HEPH: variants seen among roughly 807,000 people sequenced by gnomAD.
HEPH encodes hephaestin.
In HEPH, 69 loss-of-function variants were observed where a neutral mutation model predicts 80.8. That is an observed-to-expected ratio of 0.85 (90% CI 0.70 to 1.04). The LOEUF is 1.04. HEPH is among the 50% of genes least tolerant of loss of function. The pLI is 0.00. For synonymous variants in HEPH, 431 were observed against 322.8 expected, an observed-to-expected ratio of 1.34 and a Z score of -3.60; for missense variants, 1,115 against 891.3, an observed-to-expected ratio of 1.25 and a Z score of -3.20.
chrX:66,236,900 T>A (rs2090383095), intron 15 of HEPH, among the ~76,000 whole-genome samples: 1 of 111,867 alleles, frequency 8.9e-6, no homozygotes, highest in Admixed American at 9.5e-5. Context: ...GTCTAGTTTA[T>A]GTGCATAGAG....
upstream of HEPH, chrX:66,162,832 C>G: frequency 8.7e-7 from 1 of 1,156,029 alleles, no homozygotes; most frequent in East Asian, 3.3e-5. Flanking sequence ...CCCAGCCTGC[C>G]TGGAGAAAAG....
intron 13 of HEPH, among the ~76,000 whole-genome samples, chrX:66,206,054 A>G (rs764214637): frequency 4.5e-5 from 5 of 111,117 alleles, no homozygotes; most frequent in Non-Finnish European, 9.4e-5. Flanking sequence ...TATTAGAAAT[A>G]TCAAATGATA....
intron 15 of HEPH, among the ~76,000 whole-genome samples, chrX:66,217,726 T>G (rs752436598): frequency 8.9e-6 from 1 of 111,894 alleles, no homozygotes; most frequent in African/African-American, 3.2e-5. Context: ...ATGCTCCATT[T>G]AAAAGATACA....
intron 15 of HEPH, among the ~76,000 whole-genome samples, chrX:66,225,492 A>C (rs1414709180): frequency 8.9e-6 from 1 of 112,771 alleles, no homozygotes; most frequent in Non-Finnish European, 1.9e-5. Flanking sequence ...AAAGAACTAA[A>C]GTGCTGGTAC....
Position 66,197,743 on chromosome X carries a change from T to C in HEPH, c.1562T>C (p.Val521Ala), listed in dbSNP as rs1186591917. Residue 521 changes from valine (V) to alanine (A), a missense_variant, in exon 10 of 21, where the codon GTC (valine) becomes GCC (alanine). Physicochemically the swap from Val to Ala is moderately conservative, Grantham distance 64. Coordinates refer to ENST00000343002, the MANE Select transcript of HEPH (RefSeq NM_001367233.3). ...GAGAAAGTAACATACCGCTGGACAGTCCCCCCTCATGCCGGTCCCACTGCT... is the reference window on the plus strand; with the variant it reads ...GAGAAAGTAACATACCGCTGGACAGCCCCCCCTCATGCCGGTCCCACTGCT... ...PFEKVTYRWT[V>A]PPHAGPTAQD... 5.0e-6 allele frequency: 6 copies of C among 1,209,592 alleles called. No individual in the cohort carries two copies. In the African/African-American group the frequency reaches 7.0e-5, roughly 14 times the overall value.
chrX:66,200,311 G>T (rs1010513752), intron 11 of HEPH: 16 of 382,335 alleles, frequency 4.2e-5, no homozygotes, highest in African/African-American at 4.2e-4. Flanking sequence ...TCAGGATGTG[G>T]ATCATGGTGG....
rs1172532761 is a variant in HEPH, at chrX:66,200,526, T to G, written c.1865-14T>G. The stretch of plus-strand genomic sequence containing the variant: ...TCTCATCTCCCCACCTTGTCTTGTG[T>G]TTTTGTTTTCCAGCCATTAATGGGT... On this transcript the variant is annotated splice_polypyrimidine_tract_variant and intron_variant, in intron 11 of 20. Transcript: ENST00000343002. The G allele has an allele frequency of 2.6e-6, 3 of 1,175,209 alleles. No homozygotes were observed. The Admixed American group carries it at 7.2e-5, about 28-fold the overall frequency.
In HEPH at chrX:66,209,388, G is replaced by C. The variant is rs779669762; in HGVS notation, c.2563+1142G>C. 2.7e-5 allele frequency among the ~76,000 whole-genome samples: 3 copies of C among 111,976 alleles called. No individual in the cohort carries two copies. In the South Asian group the frequency reaches 1.1e-3, roughly 42 times the overall value. ...AACTTTGAAAGTCTCTGATTCAGTA[G>C]GTGTGTGATGGAGCTCAGGAATTTG... On this transcript the variant is annotated intron_variant, in intron 15 of 20. Coordinates refer to ENST00000343002, the MANE Select transcript of HEPH (RefSeq NM_001367233.3).
chrX:66,215,628 G>A (rs909425835), intron 15 of HEPH, among the ~76,000 whole-genome samples: 2 of 111,941 alleles, frequency 1.8e-5, no homozygotes, highest in Non-Finnish European at 1.9e-5. Flanking sequence ...ATGGTGGATA[G>A]GAAGACTAAC....
intron 6 of HEPH, 122 bp from the exon 7 acceptor site, chrX:66,192,008 G>A: frequency 1.6e-6 from 1 of 643,939 alleles, no homozygotes; most frequent in Non-Finnish European, 2.3e-6. Context: ...CCATTTTGGA[G>A]CAGGAGTAAA....
At chrX:66,251,161 G>T (rs2090993346) in intron 15 of HEPH, among the ~76,000 whole-genome samples, 2 of 112,586 alleles carry the variant, frequency 1.8e-5, no homozygotes, top group East Asian at 2.8e-4. Flanking sequence ...GGGATTACAG[G>T]TGCTGTGTAG....
intron 15 of HEPH, among the ~76,000 whole-genome samples, chrX:66,248,306 G>A (rs142618175): frequency 8.9e-6 from 1 of 111,946 alleles, no homozygotes; most frequent in African/African-American, 3.2e-5. Context: ...TGTATAAGTG[G>A]TGTGATAACA....
At chrX:66,208,058 C>T (rs2088889685) in intron 14 of HEPH, 57 bp from the exon 15 acceptor site, 3 of 922,217 alleles carry the variant, frequency 3.3e-6, no homozygotes, top group Non-Finnish European at 4.5e-6. Flanking sequence ...CTTTAATGCT[C>T]CCTGTGCTCC....
At chrX:66,224,242 T>A (rs923385383) in intron 15 of HEPH, among the ~76,000 whole-genome samples, 2 of 111,823 alleles carry the variant, frequency 1.8e-5, no homozygotes, top group African/African-American at 3.3e-5. Flanking sequence ...GAAAACCTTG[T>A]AAGTTTGGGA....
At chrX:66,233,724 A>T (rs2090248726) in intron 15 of HEPH, among the ~76,000 whole-genome samples, 1 of 110,386 alleles carries the variant, frequency 9.1e-6, no homozygotes, top group Non-Finnish European at 1.9e-5. Context: ...ACTATACTAT[A>T]TATTAAAATT....
chrX:66,252,156 T>C (rs1007353732), intron 15 of HEPH, among the ~76,000 whole-genome samples: 6 of 111,860 alleles, frequency 5.4e-5, no homozygotes, highest in African/African-American at 1.9e-4. Flanking sequence ...TGAGGAGTGA[T>C]AATAATCAAA....
chrX:66,264,454 T>C (rs2091469522), intron 20 of HEPH, among the ~76,000 whole-genome samples: 1 of 109,115 alleles, frequency 9.2e-6, no homozygotes, highest in South Asian at 3.9e-4. Context: ...TACCAAGGAG[T>C]TAAACCTTTG....
chrX:66,235,059 G>T (rs1569377995), intron 15 of HEPH, among the ~76,000 whole-genome samples: 1 of 110,880 alleles, frequency 9.0e-6, no homozygotes, highest in Non-Finnish European at 1.9e-5. Flanking sequence ...TTTTTACCTT[G>T]TAAATTTGTT....
At chrX:66,258,704 A>C in intron 17 of HEPH, 136 bp from the exon 18 acceptor site, 1 of 435,797 alleles carries the variant, frequency 2.3e-6, no homozygotes, top group Non-Finnish European at 3.7e-6. Context: ...GATGGAAAAA[A>C]GATGAGACAA....
Sources: allele counts gnomAD v4.1 joint callset (sites outside exome capture counted in the v4.1 genomes callset), GRCh38; gene constraint gnomAD v4.1.1; transcripts MANE v1.5; gene names NCBI Gene and HGNC (gene_info 2026-07-23, HGNC 2026-07-21).